The following CHODL variants were observed in gnomAD, a reference collection of about 807,000 sequenced individuals.
CHODL encodes the protein chondrolectin, also known as transmembrane protein MT75.
In CHODL, 29 loss-of-function variants were observed where a neutral mutation model predicts 34.5. The observed-to-expected ratio is 0.84, with a 90% CI of 0.63 to 1.15. The LOEUF is 1.15. Among genes scored for constraint, CHODL ranks in the 50% most tolerant of loss-of-function variants. The probability of loss-of-function intolerance (pLI) is 0.00; values close to 1 mark genes in which losing one functional copy is unlikely to be tolerated. For synonymous variants in CHODL, 125 were observed against 116.1 expected, an observed-to-expected ratio of 1.08 and a Z score of -0.49; for missense variants, 332 against 332.5, an observed-to-expected ratio of 1.00 and a Z score of 0.01.
chr21:18,255,762 T>G (rs2146810352), intron 1 of CHODL, among the ~76,000 whole-genome samples: 1 of 152,236 alleles, frequency 6.6e-6, no homozygotes, highest in African/African-American at 2.4e-5. Flanking sequence ...TAATTTGCAA[T>G]TTATCACTTA....
chr21:18,025,479 A>G (rs1233505157), intron 1 of CHODL, among the ~76,000 whole-genome samples: 1 of 152,138 alleles, frequency 6.6e-6, no homozygotes, highest in Admixed American at 6.6e-5. Context: ...AGGTATCCAT[A>G]TTTTACAATA....
chr21:18,265,964 AC>A lies in CHODL; in HGVS notation c.749del (p.Thr250LysfsTer63). On this transcript the variant is annotated frameshift_variant, in exon 6 of 6. Coordinates refer to ENST00000299295, the MANE Select transcript of CHODL (RefSeq NM_024944.3). LOFTEE classifies it high-confidence loss of function. ...FQMLHKSKGR[T>X]KTSPNQSTLW... Reference sequence around the variant, plus strand: ...TCTTATGTTTTTCAGTAAAGGAAGAACAAAAACTAGTCCAAACCAGTCTACA... The same window carrying A: ...TCTTATGTTTTTCAGTAAAGGAAGAAAAAAACTAGTCCAAACCAGTCTACA... 1 of 1,611,058 alleles carries A rather than the reference AC, an allele frequency of 6.2e-7. No homozygotes were observed. Among genetic ancestry groups the A allele is most frequent in the Non-Finnish European group, 8.5e-7 (1 of 1,179,156 alleles).
intron 4 of CHODL, 44 bp from the exon 5 acceptor site, chr21:18,262,747 C>A (rs1387667595): frequency 9.0e-7 from 1 of 1,115,780 alleles, no homozygotes. Context: ...CTTTAGAATT[C>A]TTCCTCAACT....
chr21:18,127,865 G>A (rs2072594725), intron 2 of CHODL, among the ~76,000 whole-genome samples: 2 of 151,878 alleles, frequency 1.3e-5, no homozygotes, highest in African/African-American at 4.8e-5. Flanking sequence ...TTTGAGACCT[G>A]TGGGACACCG....
At chr21:18,029,987 C>G (rs770540701) in intron 2 of CHODL, among the ~76,000 whole-genome samples, 9 of 152,110 alleles carry the variant, frequency 5.9e-5, no homozygotes, top group Non-Finnish European at 1.2e-4. Context: ...TTCTCTAGCC[C>G]CCTTGTCAAT....
upstream of CHODL, among the ~76,000 whole-genome samples, chr21:18,243,967 A>G (rs2074106164): frequency 6.6e-6 from 1 of 152,336 alleles, no homozygotes; most frequent in Non-Finnish European, 1.5e-5. Context: ...CATTATGAGA[A>G]CATTTTCAGA....
At chr21:18,121,884 T>G (rs577390273) in intron 2 of CHODL, among the ~76,000 whole-genome samples, 1 of 152,194 alleles carries the variant, frequency 6.6e-6, no homozygotes, top group Non-Finnish European at 1.5e-5. Context: ...CACTAGTTAA[T>G]ATTTTTCTTA....
chr21:18,256,470 C>A, intron 1 of CHODL, 39 bp from the exon 2 acceptor site: 1 of 1,532,196 alleles, frequency 6.5e-7, no homozygotes, highest in Non-Finnish European at 8.8e-7. Flanking sequence ...AAATAGAGTT[C>A]CGATTATCAA....
chr21:18,043,881 C>T (rs1049706874), intron 2 of CHODL, among the ~76,000 whole-genome samples: 11 of 151,788 alleles, frequency 7.2e-5, no homozygotes, highest in Non-Finnish European at 1.3e-4. Flanking sequence ...GACAAGAGAA[C>T]GAGGGCCAAG....
upstream of CHODL, among the ~76,000 whole-genome samples, chr21:18,243,547 ATT>A (rs113607712): frequency 1.8e-3 from 265 of 144,456 alleles, 3 homozygotes; most frequent in South Asian, 0.018. Context: ...TTAGAATTCT[ATT>A]TTTTTTTTTT....
chr21:18,072,162 T>C (rs1447016220), intron 2 of CHODL, among the ~76,000 whole-genome samples: 1 of 151,864 alleles, frequency 6.6e-6, no homozygotes, highest in South Asian at 2.1e-4. Context: ...TAAAAATATA[T>C]AATTCTGATT....
intron 2 of CHODL, among the ~76,000 whole-genome samples, chr21:18,208,195 A>C (rs1328322337): frequency 7.5e-6 from 1 of 133,288 alleles, no homozygotes; most frequent in African/African-American, 3.3e-5. Context: ...GTCTGCTCTG[A>C]CTGTGCAATT....
At chr21:18,033,992 T>G (rs2064279240) in intron 2 of CHODL, among the ~76,000 whole-genome samples, 1 of 152,008 alleles carries the variant, frequency 6.6e-6, no homozygotes, top group Non-Finnish European at 1.5e-5. Flanking sequence ...TTTCAGAATC[T>G]GAAAGGAATT....
chr21:18,181,958 C>A (rs1472268219), intron 2 of CHODL, among the ~76,000 whole-genome samples: 1 of 152,044 alleles, frequency 6.6e-6, no homozygotes, highest in Admixed American at 6.5e-5. Flanking sequence ...TTTTTTAATC[C>A]ATTCTTCAGC....
intron 1 of CHODL, among the ~76,000 whole-genome samples, chr21:17,981,706 GTT>G (rs1253366849): frequency 6.6e-6 from 1 of 152,198 alleles, no homozygotes; most frequent in East Asian, 1.9e-4. Context: ...ACAGTTAGGG[GTT>G]ATGTGGCCTG....
intron 2 of CHODL, among the ~76,000 whole-genome samples, chr21:18,043,525 G>T (rs1329523146): frequency 6.6e-6 from 1 of 151,912 alleles, no homozygotes; most frequent in Non-Finnish European, 1.5e-5. Flanking sequence ...TGTGTTACTT[G>T]TACTAAGTAA....
chr21:18,026,255 C>T (rs1461519880), intron 1 of CHODL, among the ~76,000 whole-genome samples: 1 of 152,176 alleles, frequency 6.6e-6, no homozygotes, highest in Admixed American at 6.5e-5. Context: ...ACATTTGCTA[C>T]TAAAGATCAT....
At chr21:17,995,881 G>T (rs1306659065) in intron 1 of CHODL, among the ~76,000 whole-genome samples, 2 of 152,134 alleles carry the variant, frequency 1.3e-5, no homozygotes, top group South Asian at 4.1e-4. Context: ...ATTTACTTTT[G>T]CAGACCTCCA....
At chr21:18,262,235 A>C (rs899927760) in intron 4 of CHODL, among the ~76,000 whole-genome samples, 1 of 152,138 alleles carries the variant, frequency 6.6e-6, no homozygotes, top group Non-Finnish European at 1.5e-5. Context: ...TTTGTTTTTA[A>C]CTTTTACCAA....
Sources: allele counts gnomAD v4.1 joint callset (sites outside exome capture counted in the v4.1 genomes callset), GRCh38; gene constraint gnomAD v4.1.1; transcripts MANE v1.5; gene names NCBI Gene and HGNC (gene_info 2026-07-23, HGNC 2026-07-21).